Variants in MPP7 observed in about 807,000 individuals in gnomAD.
MPP7 encodes MAGUK p55 subfamily member 7.
Under a neutral mutation model 76.5 loss-of-function variants are expected in MPP7, and 60 were observed. The ratio of observed to expected loss-of-function variants is 0.78; its 90% confidence interval spans 0.64 to 0.97. MPP7 has a LOEUF of 0.97. Ranked by LOEUF, MPP7 falls within the 50% of genes least tolerant of loss-of-function variation. MPP7 has a pLI of 0.00. For missense variants in MPP7, 641 were observed against 694.0 expected (o/e 0.92, Z 0.86); for synonymous variants, 237 against 244.5 (o/e 0.97, Z 0.29).
intron 11 of MPP7, among the ~76,000 whole-genome samples, chr10:28,094,407 G>C (rs1436912891): frequency 6.6e-6 from 1 of 152,048 alleles, no homozygotes; most frequent in Non-Finnish European, 1.5e-5. Flanking sequence ...TTCTCCACAA[G>C]GCTCATTTCC....
chr10:28,140,561 AG>A (rs1835484913), intron 5 of MPP7, among the ~76,000 whole-genome samples: 1 of 152,142 alleles, frequency 6.6e-6, no homozygotes, highest in Admixed American at 6.6e-5. Flanking sequence ...AGTTCTTTTG[AG>A]AGATTAGATA....
intron 1 of MPP7, 97 bp from the exon 2 acceptor site, chr10:28,238,832 T>C (rs1839167803): frequency 3.8e-6 from 2 of 528,044 alleles, no homozygotes; most frequent in South Asian, 2.8e-5. Context: ...CAATCACTAT[T>C]GGAGAGATCG....
chr10:28,129,014 G>A (rs1331205355), intron 6 of MPP7, among the ~76,000 whole-genome samples: 2 of 152,144 alleles, frequency 1.3e-5, no homozygotes, highest in Non-Finnish European at 2.9e-5. Flanking sequence ...GTAAACTACA[G>A]ACTTGAAGAA....
At position 28,199,879 on chromosome 10, in the gene MPP7, A is replaced by AAC. The variant is rs3064104; in HGVS notation, c.156+2272_156+2273dup. Among the ~76,000 whole-genome samples the AAC allele has an allele frequency of 4.8e-3, 708 of 148,926 alleles. 5 individuals are homozygous for AAC. The highest frequency in any genetic ancestry group is 0.01 in the Middle Eastern group (3 of 288). On this transcript the variant is annotated intron_variant, in intron 3 of 16. Coordinates refer to ENST00000683449, the MANE Select transcript of MPP7 (RefSeq NM_001318170.2). ...TGAACCACTGCACTCAGCCCATTTA[A>AAC]ACACACACACACACACACACACACA...
At chr10:28,080,427 G>A (rs957555278) in intron 12 of MPP7, among the ~76,000 whole-genome samples, 3 of 152,138 alleles carry the variant, frequency 2.0e-5, no homozygotes, top group African/African-American at 7.2e-5. Flanking sequence ...TATCCTGTCT[G>A]TGTCCCCAAC....
At chr10:28,194,467 G>C (rs1837515061) in intron 3 of MPP7, among the ~76,000 whole-genome samples, 1 of 152,168 alleles carries the variant, frequency 6.6e-6, no homozygotes, top group Admixed American at 6.6e-5. Context: ...TGGAAGCAAT[G>C]AACATGCCCT....
intron 2 of MPP7, among the ~76,000 whole-genome samples, chr10:28,327,987 A>G (rs1834434750): frequency 6.6e-6 from 1 of 152,200 alleles, no homozygotes; most frequent in Admixed American, 6.5e-5. Context: ...AAATTGATGC[A>G]GGCTTCTGTC....
rs59001457 is a variant in MPP7 at position 28,292,451 on chromosome 10, G to GA, written c.-132+10409dup. On this transcript the variant is annotated intron_variant, in intron 1 of 16. Coordinates refer to ENST00000683449, the MANE Select transcript of MPP7 (RefSeq NM_001318170.2). ...TAACAAAGAAGACAAGATCATTACGGAAAAAAAAAAAAAATCTGACCTCCA... is the reference window on the plus strand; with the variant it reads ...TAACAAAGAAGACAAGATCATTACGGAAAAAAAAAAAAAAATCTGACCTCCA... Among the ~76,000 whole-genome samples, 809 of 142,518 alleles carry GA rather than the reference G, an allele frequency of 5.7e-3. 6 individuals are homozygous for GA. The highest frequency in any genetic ancestry group is 0.013 in the African/African-American group (513 of 39,366). The allele number at this position is 142,518 out of a possible 152,430, so 93.5% of individuals were successfully genotyped here.
At chr10:28,146,875 AG>A (rs1481182141) in intron 5 of MPP7, among the ~76,000 whole-genome samples, 1 of 152,204 alleles carries the variant, frequency 6.6e-6, no homozygotes, top group East Asian at 1.9e-4. Flanking sequence ...AGAATAATGT[AG>A]GAAAATTCTG....
intron 3 of MPP7, among the ~76,000 whole-genome samples, chr10:28,151,035 A>C (rs1337324982): frequency 6.6e-6 from 1 of 152,222 alleles, no homozygotes; most frequent in South Asian, 2.1e-4. Flanking sequence ...ATATACAAAA[A>C]ACAGTTGCAC....
rs750683489 is a variant in MPP7 at position 28,089,683 on chromosome 10, C to T, written c.1111G>A (p.Val371Ile). 6 of 1,611,806 alleles carry T rather than the reference C, an allele frequency of 3.7e-6. No individual in the cohort carries two copies. Among genetic ancestry groups the T allele is most frequent in the Admixed American group, 1.7e-5 (1 of 59,476 alleles). ...AACAAGCACTTACCAACCAAGACAACGAGTCTGTATTTTTCATTAGTTTGT... is the reference window on the plus strand; with the variant it reads ...AACAAGCACTTACCAACCAAGACAATGAGTCTGTATTTTTCATTAGTTTGT... ...RRQTNEKYRL[V>I]VLVGPVGVGL... The change falls in exon 12 of 17, where the codon GTT (valine) becomes ATT (isoleucine). Residue 371 changes from valine to isoleucine, a missense_variant. Coordinates refer to ENST00000683449, the MANE Select transcript of MPP7 (RefSeq NM_001318170.2).
At chr10:28,137,781 A>T (rs564385472) in intron 5 of MPP7, among the ~76,000 whole-genome samples, 213 of 152,316 alleles carry the variant, frequency 1.4e-3, no homozygotes, top group African/African-American at 5.0e-3. Context: ...TGCCAGAGCC[A>T]CCAATCACAA....
chr10:28,291,894 G>A (rs1372437616), intron 1 of MPP7, among the ~76,000 whole-genome samples: 1 of 152,126 alleles, frequency 6.6e-6, no homozygotes, highest in African/African-American at 2.4e-5. Flanking sequence ...GTGTAGCCTA[G>A]ACATAGTGCT....
intron 2 of MPP7, among the ~76,000 whole-genome samples, chr10:28,214,588 G>A (rs762884837): frequency 3.3e-5 from 5 of 152,236 alleles, no homozygotes; most frequent in Admixed American, 6.5e-5. Context: ...TGGAGATGCC[G>A]TGACGATGAA....
chr10:28,287,220 G>A (rs1000551053), intron 1 of MPP7, among the ~76,000 whole-genome samples: 3 of 152,056 alleles, frequency 2.0e-5, no homozygotes, highest in South Asian at 2.1e-4. Flanking sequence ...TAGATACTTG[G>A]AAAAATTGTA....
intron 2 of MPP7, among the ~76,000 whole-genome samples, chr10:28,220,334 T>C (rs1351327855): frequency 6.6e-6 from 1 of 152,132 alleles, no homozygotes; most frequent in South Asian, 2.1e-4. Flanking sequence ...AAAATGAAAA[T>C]TACTTCTAAA....
chr10:28,307,313 T>C (rs946921165), upstream of MPP7, among the ~76,000 whole-genome samples: 8 of 152,284 alleles, frequency 5.3e-5, no homozygotes, highest in African/African-American at 1.9e-4. Context: ...TACCCTTGTG[T>C]GTTCCAGTTT....
intron 1 of MPP7, among the ~76,000 whole-genome samples, chr10:28,297,962 C>G (rs1437169612): frequency 6.6e-6 from 1 of 152,202 alleles, no homozygotes; most frequent in African/African-American, 2.4e-5. Flanking sequence ...AGAAGCAACT[C>G]TTCATCCATT....
At chr10:28,269,179 T>C (rs1448968889) in intron 1 of MPP7, among the ~76,000 whole-genome samples, 1 of 152,216 alleles carries the variant, frequency 6.6e-6, no homozygotes, top group East Asian at 1.9e-4. Flanking sequence ...TGCAGGACCT[T>C]TGGGAGAGGC....
Sources: allele counts gnomAD v4.1 joint callset (sites outside exome capture counted in the v4.1 genomes callset), GRCh38; gene constraint gnomAD v4.1.1; transcripts MANE v1.5; gene names NCBI Gene and HGNC (gene_info 2026-07-23, HGNC 2026-07-21).